Variants in DHRSX observed in about 807,000 individuals in gnomAD.
DHRSX encodes the protein polyprenol dehydrogenase.
In DHRSX, 31 loss-of-function variants were observed where a neutral mutation model predicts 34.0. That is an observed-to-expected ratio of 0.91 (90% CI 0.69 to 1.23). DHRSX has a LOEUF of 1.23. DHRSX is among the 50% of genes most tolerant of loss of function. The pLI, the probability that DHRSX is intolerant of heterozygous loss-of-function variation, is 0.00. For synonymous variants in DHRSX, 201 were observed against 183.8 expected, an observed-to-expected ratio of 1.09 and a Z score of -0.76; for missense variants, 414 against 428.1, an observed-to-expected ratio of 0.97 and a Z score of 0.29.
intron 5 of DHRSX, among the ~76,000 whole-genome samples, chrX:2,255,747 CA>C (rs113678459): frequency 6.2e-5 from 9 of 144,390 alleles, no homozygotes; most frequent in South Asian, 2.3e-4. Flanking sequence ...CCCAGCTCTA[CA>C]AAAAAAAAAC....
chrX:2,408,185 C>T (rs2043582463), intron 3 of DHRSX, among the ~76,000 whole-genome samples: 1 of 151,694 alleles, frequency 6.6e-6, no homozygotes, highest in Admixed American at 6.6e-5. Context: ...AAGCGATTCT[C>T]CTGCCTCAGC....
intron 3 of DHRSX, among the ~76,000 whole-genome samples, chrX:2,371,404 A>ATTACCAAAGTCCCTCCTCCG: frequency 7.0e-6 from 1 of 142,714 alleles, no homozygotes; most frequent in African/African-American, 2.7e-5. Context: ...CCCTTCTCAC[A>ATTACCAAAGTCCCTCCTCCG]TTACCATAGT....
chrX:2,500,975 G>A lies in DHRSX; in HGVS notation c.-50C>T, dbSNP rs916368119. On this transcript the variant is annotated 5_prime_UTR_variant, in exon 1 of 7. Coordinates refer to ENST00000334651, the MANE Select transcript of DHRSX (RefSeq NM_145177.3). ...GCTTCCGCGCCGCCCGCGGGACTCT[G>A]CGCCCGCCCGCCCGGACGGACGGCG... The A allele has an allele frequency of 6.5e-4, 615 of 949,518 alleles. 2 individuals are homozygous for A. In the African/African-American group the frequency reaches 9.5e-3, roughly 15 times the overall value. The allele number at this position is 949,518 out of a possible 1,614,324, so 58.8% of individuals were successfully genotyped here.
chrX:2,491,227 G>A (rs1393552670), intron 1 of DHRSX, among the ~76,000 whole-genome samples: 1 of 151,988 alleles, frequency 6.6e-6, no homozygotes, highest in Admixed American at 6.6e-5. Context: ...CTGCCATCAC[G>A]CCTGGCTAAT....
intron 3 of DHRSX, among the ~76,000 whole-genome samples, chrX:2,297,812 C>T (rs1233275057): frequency 2.5e-4 from 37 of 150,332 alleles, no homozygotes; most frequent in Admixed American, 2.0e-3. Flanking sequence ...TGGAATACAG[C>T]GGACAGATCT....
At chrX:2,436,179 G>A (rs1166298450) in intron 1 of DHRSX, among the ~76,000 whole-genome samples, 2 of 151,624 alleles carry the variant, frequency 1.3e-5, no homozygotes, top group East Asian at 3.9e-4. Context: ...GGTGACAGAG[G>A]GAGACTCCAT....
chrX:2,232,795 A>G (rs1422642376), intron 6 of DHRSX, among the ~76,000 whole-genome samples: 2 of 151,914 alleles, frequency 1.3e-5, no homozygotes, highest in Non-Finnish European at 2.9e-5. Flanking sequence ...GCTGGTCTCG[A>G]ACTCCTGACC....
intron 5 of DHRSX, among the ~76,000 whole-genome samples, chrX:2,258,561 G>A (rs956717409): frequency 2.7e-5 from 4 of 150,796 alleles, no homozygotes; most frequent in African/African-American, 9.8e-5. Flanking sequence ...ACAACCCAAG[G>A]AGAGAGGCCT....
chrX:2,294,024 A>G (rs1378899225), intron 3 of DHRSX, among the ~76,000 whole-genome samples: 1 of 151,488 alleles, frequency 6.6e-6, no homozygotes, highest in Non-Finnish European at 1.5e-5. Flanking sequence ...GATGGAGTGT[A>G]AGAATGAGAA....
At chrX:2,463,084 A>G (rs2044425383) in intron 1 of DHRSX, among the ~76,000 whole-genome samples, 1 of 152,180 alleles carries the variant, frequency 6.6e-6, no homozygotes, top group Admixed American at 6.5e-5. Flanking sequence ...CAGGGAGTGC[A>G]TCCCCACCAC....
At chrX:2,394,868 GAA>G (rs35184380) in intron 3 of DHRSX, among the ~76,000 whole-genome samples, 8 of 135,468 alleles carry the variant, frequency 5.9e-5, no homozygotes, top group Admixed American at 7.4e-5. Context: ...TCCGTCTCAT[GAA>G]AAAAAAAAAA....
intron 4 of DHRSX, among the ~76,000 whole-genome samples, chrX:2,274,795 G>A (rs991763170): frequency 6.6e-6 from 1 of 152,090 alleles, no homozygotes; most frequent in Non-Finnish European, 1.5e-5. Context: ...CACCTGAAAC[G>A]CTGATATTTA....
chrX:2,293,666 G>A (rs994501074), intron 3 of DHRSX, among the ~76,000 whole-genome samples: 91 of 152,260 alleles, frequency 6.0e-4, no homozygotes, highest in African/African-American at 2.1e-3. Flanking sequence ...GCCGAGAAGA[G>A]AACAGCCTTG....
chrX:2,381,451 C>T (rs969950845), intron 3 of DHRSX, among the ~76,000 whole-genome samples: 29 of 151,936 alleles, frequency 1.9e-4, no homozygotes, highest in African/African-American at 7.0e-4. Flanking sequence ...GGAGAAACCC[C>T]GTCTATACTA....
rs1380184384 is a variant in DHRSX, at chrX:2,500,899, C to G, written c.27G>C (p.Ala9=). ...CGCCTACCGCGTAGACCCGCAGGGC[C>G]GCCCGCGCCGCAGACAATGGCGACA... MSPLSAAR[A]ALRVYAVGAA... The change falls in exon 1 of 7, where the codon GCG becomes GCC. Residue 9 remains alanine (A), a synonymous_variant. Coordinates refer to ENST00000334651, the MANE Select transcript of DHRSX (RefSeq NM_145177.3). 7.1e-6 allele frequency: 8 copies of G among 1,126,698 alleles called. No homozygotes were observed. Among genetic ancestry groups the G allele is most frequent in the Non-Finnish European group, 8.7e-6 (8 of 917,698 alleles). The allele number at this position is 1,126,698 out of a possible 1,614,324, so 69.8% of individuals were successfully genotyped here.
intron 3 of DHRSX, among the ~76,000 whole-genome samples, chrX:2,359,300 T>C (rs1462837895): frequency 6.6e-6 from 1 of 152,290 alleles, no homozygotes; most frequent in East Asian, 1.9e-4. Flanking sequence ...CACATGCACG[T>C]GTATGTTCGT....
intron 3 of DHRSX, among the ~76,000 whole-genome samples, chrX:2,341,142 T>C (rs1196417541): frequency 6.6e-6 from 1 of 152,112 alleles, no homozygotes; most frequent in East Asian, 1.9e-4. Flanking sequence ...CTGGTTTTAC[T>C]TACACACAGC....
intron 4 of DHRSX, among the ~76,000 whole-genome samples, chrX:2,268,567 G>A (rs1163253737): frequency 1.3e-5 from 2 of 152,140 alleles, no homozygotes; most frequent in Non-Finnish European, 2.9e-5. Flanking sequence ...ATGTGTTCAC[G>A]TCTTTACATG....
At chrX:2,428,077 A>T (rs1023275455) in intron 1 of DHRSX, among the ~76,000 whole-genome samples, 1 of 152,130 alleles carries the variant, frequency 6.6e-6, no homozygotes, top group Admixed American at 6.5e-5. Context: ...GACATAGAGC[A>T]TAAAAAATAG....
Sources: allele counts gnomAD v4.1 joint callset (sites outside exome capture counted in the v4.1 genomes callset), GRCh38; gene constraint gnomAD v4.1.1; transcripts MANE v1.5; gene names NCBI Gene and HGNC (gene_info 2026-07-23, HGNC 2026-07-21).